The following RASAL2 variants were observed in gnomAD, a reference collection of about 807,000 sequenced individuals.
RASAL2 encodes RAS protein activator like 2, also known as ras GTPase-activating protein nGAP.
Under a neutral mutation model 128.9 loss-of-function variants are expected in RASAL2, and 58 were observed. That is an observed-to-expected ratio of 0.45 (90% confidence interval 0.36 to 0.56). The LOEUF (loss-of-function observed/expected upper bound fraction) is 0.56, where lower values mean the gene tolerates loss of function less well. RASAL2 is among the 20% of genes least tolerant of loss of function. RASAL2 has a pLI of 0.00. For missense variants in RASAL2, 1,360 were observed against 1,601.6 expected (o/e 0.85, Z 2.57); for synonymous variants, 561 against 580.8 (o/e 0.97, Z 0.49).
chr1:178,225,854 C>T (rs1487170832), intron 1 of RASAL2, among the ~76,000 whole-genome samples: 2 of 151,682 alleles, frequency 1.3e-5, no homozygotes, highest in African/African-American at 4.8e-5. Flanking sequence ...ATTGTGCTTT[C>T]TTTATGTGCT....
At chr1:178,207,692 TATATC>T (rs747377160) in intron 1 of RASAL2, among the ~76,000 whole-genome samples, 46 of 152,322 alleles carry the variant, frequency 3.0e-4, no homozygotes, top group African/African-American at 1.1e-3. Flanking sequence ...GTTAATAACT[TATATC>T]ATACAGCTTA....
At chr1:178,260,655 T>A (rs1160730134) in intron 1 of RASAL2, among the ~76,000 whole-genome samples, 1 of 151,768 alleles carries the variant, frequency 6.6e-6, no homozygotes, top group African/African-American at 2.4e-5. Flanking sequence ...TCAAACTCTA[T>A]ATCCTAAATA....
Position 178,333,821 on chromosome 1 carries a change from C to T in RASAL2, c.457+33703C>T, listed in dbSNP as rs114844840. On this transcript the variant is annotated intron_variant, in intron 3 of 17. Coordinates refer to ENST00000367649, the MANE Select transcript of RASAL2 (RefSeq NM_170692.4). ...TCTCTACTCACTGAAACAAACTTCT[C>T]CTAGAGGATTTTTCAGTTTTTCATT... Among the ~76,000 whole-genome samples the T allele has an allele frequency of 2.2e-3, 329 of 152,290 alleles. 3 individuals are homozygous for T. The highest frequency in any genetic ancestry group is 7.4e-3 in the African/African-American group (306 of 41,572).
intron 5 of RASAL2, among the ~76,000 whole-genome samples, chr1:178,421,434 A>G (rs191666591): frequency 2.6e-5 from 4 of 152,206 alleles, no homozygotes; most frequent in East Asian, 3.9e-4. Flanking sequence ...ACCACCACCT[A>G]TATTTATTAA....
intron 9 of RASAL2, among the ~76,000 whole-genome samples, chr1:178,450,615 C>A (rs1677308152): frequency 6.6e-6 from 1 of 152,162 alleles, no homozygotes; most frequent in African/African-American, 2.4e-5. Flanking sequence ...TGTTCACTTT[C>A]ATGAAGTCTG....
In RASAL2 at chr1:178,161,764, AT is replaced by A. The variant is rs199554930; in HGVS notation, c.202+67080del. 5.1e-4 allele frequency among the ~76,000 whole-genome samples: 76 copies of A among 148,602 alleles called. 1 individual carries two copies. The highest frequency in any genetic ancestry group is 1.1e-3 in the African/African-American group (44 of 40,506). Reference sequence around the variant, plus strand: ...CACATCCTTGTCAACACTTCTTATCATTTTTTTTTTATTATAGCCTTCCTAG... The same window carrying A: ...CACATCCTTGTCAACACTTCTTATCATTTTTTTTTATTATAGCCTTCCTAG... On this transcript the variant is annotated intron_variant, in intron 1 of 17. Transcript: ENST00000367649.
At chr1:178,106,303 T>C (rs973371557) in intron 1 of RASAL2, among the ~76,000 whole-genome samples, 58 of 152,222 alleles carry the variant, frequency 3.8e-4, no homozygotes, top group African/African-American at 1.2e-3. Flanking sequence ...CAGTTTGTGC[T>C]GAAGTATAGC....
intron 12 of RASAL2, chr1:178,456,480 T>A (rs1335774985): frequency 3.4e-6 from 2 of 594,760 alleles, no homozygotes; most frequent in African/African-American, 1.9e-5. Context: ...TAATCCTGAT[T>A]TCGATTTCCT....
At chr1:178,141,193 C>CTT (rs71297900) in intron 1 of RASAL2, among the ~76,000 whole-genome samples, 3,199 of 73,850 alleles carry the variant, frequency 0.043, 321 homozygotes, top group Non-Finnish European at 0.055. Flanking sequence ...CTTTTCTTTT[C>CTT]TTTTTTTTTT....
At chr1:178,470,566 C>G (rs1477372529) in intron 17 of RASAL2, 1 of 613,088 alleles carries the variant, frequency 1.6e-6, no homozygotes, top group Non-Finnish European at 2.7e-6. Context: ...CATGAGGAGA[C>G]ACTGTGGCTC....
At chr1:178,146,774 T>C (rs1446916911) in intron 1 of RASAL2, among the ~76,000 whole-genome samples, 3 of 152,224 alleles carry the variant, frequency 2.0e-5, no homozygotes, top group Non-Finnish European at 4.4e-5. Context: ...TTATATTTGC[T>C]ATAAGATTGC....
At chr1:178,127,327 G>A (rs1211727457) in intron 1 of RASAL2, among the ~76,000 whole-genome samples, 1 of 151,980 alleles carries the variant, frequency 6.6e-6, no homozygotes, top group African/African-American at 2.4e-5. Flanking sequence ...TTAAAAATTA[G>A]GCAGCAGGAA....
At chr1:178,413,464 G>A (rs1417958381) in intron 4 of RASAL2, among the ~76,000 whole-genome samples, 1 of 152,176 alleles carries the variant, frequency 6.6e-6, no homozygotes, top group Non-Finnish European at 1.5e-5. Flanking sequence ...AGATCTAATA[G>A]GACTTCAGAA....
At chr1:178,341,430 C>A in intron 3 of RASAL2, 1 of 1,444,920 alleles carries the variant, frequency 6.9e-7, no homozygotes, top group Non-Finnish European at 9.1e-7. Flanking sequence ...GTTTAACTGG[C>A]ATTGGCTCTG....
intron 1 of RASAL2, among the ~76,000 whole-genome samples, chr1:178,116,652 C>G (rs941202535): frequency 4.6e-5 from 7 of 152,016 alleles, no homozygotes; most frequent in Non-Finnish European, 8.8e-5. Context: ...CTCTGTCGCC[C>G]AGGCTTGAGT....
chr1:178,150,342 C>G (rs534055891), intron 1 of RASAL2, among the ~76,000 whole-genome samples: 1 of 151,868 alleles, frequency 6.6e-6, no homozygotes, highest in Non-Finnish European at 1.5e-5. Flanking sequence ...TTAGCCCTCA[C>G]GCCTGGCTAA....
At position 178,451,484 on chromosome 1, in the gene RASAL2, C is replaced by T. The variant is rs149960070; in HGVS notation, c.1628-87C>T. On this transcript the variant is annotated intron_variant, in intron 9 of 17. Transcript: ENST00000367649. Reference sequence around the variant, plus strand: ...ATCTAGAAAAGAATTCCCCATTATACGTTTTAGGACAGAAATCATAAGTCC... The same window carrying T: ...ATCTAGAAAAGAATTCCCCATTATATGTTTTAGGACAGAAATCATAAGTCC... 2.1e-4 allele frequency: 284 copies of T among 1,345,486 alleles called. 1 individual carries two copies. The African/African-American group carries it at 3.5e-3, about 17-fold the overall frequency. 83.3% of individuals were successfully genotyped at this position (1,345,486 alleles called of 1,614,324 possible).
At chr1:178,163,829 G>C (rs865890711) in intron 1 of RASAL2, among the ~76,000 whole-genome samples, 2 of 152,112 alleles carry the variant, frequency 1.3e-5, no homozygotes, top group African/African-American at 4.8e-5. Flanking sequence ...GATTTTAATA[G>C]AGATTTTGTT....
intron 1 of RASAL2, among the ~76,000 whole-genome samples, chr1:178,130,830 G>A (rs544199109): frequency 7.9e-5 from 12 of 152,002 alleles, no homozygotes; most frequent in Non-Finnish European, 1.6e-4. Flanking sequence ...CAAGGCGGGC[G>A]GATCACGAGG....
Sources: allele counts gnomAD v4.1 joint callset (sites outside exome capture counted in the v4.1 genomes callset), GRCh38; gene constraint gnomAD v4.1.1; transcripts MANE v1.5; gene names NCBI Gene and HGNC (gene_info 2026-07-23, HGNC 2026-07-21).